Variants in NCAM1 observed in about 807,000 individuals in gnomAD.
NCAM1 encodes the protein neural cell adhesion molecule 1.
A neutral mutation model predicts 109.8 loss-of-function variants in NCAM1; 14 were observed. That is an observed-to-expected ratio of 0.13 (90% CI 0.08 to 0.20). NCAM1 has a LOEUF of 0.20. Among genes scored for constraint, NCAM1 ranks in the 10% least tolerant of loss-of-function variants. NCAM1 has a pLI of 1.00. For missense variants in NCAM1, 774 were observed against 1,109.9 expected (o/e 0.70, Z 4.30); for synonymous variants, 418 against 442.9 (o/e 0.94, Z 0.70).
intron 1 of NCAM1, among the ~76,000 whole-genome samples, chr11:113,081,550 C>CT (rs5794840): frequency 0.25 from 37,628 of 150,970 alleles, 5,520 homozygotes; most frequent in East Asian, 0.62. Context: ...TTCTTTTTTT[C>CT]TTTTTTTTTG....
intron 9 of NCAM1, among the ~76,000 whole-genome samples, chr11:113,226,956 TA>T (rs1471597933): frequency 5.9e-5 from 9 of 152,172 alleles, no homozygotes; most frequent in African/African-American, 2.2e-4. Context: ...TTTATAGCAC[TA>T]AATGCCCACA....
At chr11:113,137,040 C>T (rs1196409472) in intron 1 of NCAM1, among the ~76,000 whole-genome samples, 2 of 152,054 alleles carry the variant, frequency 1.3e-5, no homozygotes, top group African/African-American at 4.8e-5. Context: ...TCAATTAAAT[C>T]CAAGAAGGGA....
intron 1 of NCAM1, among the ~76,000 whole-genome samples, chr11:113,065,438 C>A (rs186324153): frequency 1.0e-3 from 152 of 152,260 alleles, no homozygotes; most frequent in Admixed American, 2.3e-3. Context: ...AAAAGAGTAA[C>A]TTCACAGGGG....
intron 1 of NCAM1, among the ~76,000 whole-genome samples, chr11:113,045,800 A>G (rs1388376736): frequency 1.3e-5 from 2 of 151,798 alleles, no homozygotes; most frequent in African/African-American, 4.9e-5. Flanking sequence ...CTTTGAGGTG[A>G]GTGAAGTGGC....
intron 1 of NCAM1, among the ~76,000 whole-genome samples, chr11:113,153,549 A>G (rs1555102924): frequency 6.6e-6 from 1 of 152,092 alleles, no homozygotes; most frequent in African/African-American, 2.4e-5. Context: ...CTGTGTGGAT[A>G]GATGGTGACA....
chr11:113,097,424 T>C (rs1591321883), intron 1 of NCAM1, among the ~76,000 whole-genome samples: 1 of 152,282 alleles, frequency 6.6e-6, no homozygotes, highest in East Asian at 1.9e-4. Flanking sequence ...TGAGTAAGTT[T>C]GTTGAGTTCA....
intron 1 of NCAM1, among the ~76,000 whole-genome samples, chr11:113,075,816 C>T (rs891994304): frequency 6.6e-6 from 1 of 152,190 alleles, no homozygotes; most frequent in African/African-American, 2.4e-5. Flanking sequence ...GTTCTGCCTA[C>T]GTGTGTGGTT....
chr11:113,178,307 A>G (rs1232537875), intron 1 of NCAM1, among the ~76,000 whole-genome samples: 1 of 152,090 alleles, frequency 6.6e-6, no homozygotes, highest in African/African-American at 2.4e-5. Context: ...GGATGGGGAC[A>G]CTCTCACGTT....
chr11:113,033,852 T>A (rs1555078694), intron 1 of NCAM1, among the ~76,000 whole-genome samples: 1 of 152,256 alleles, frequency 6.6e-6, no homozygotes, highest in African/African-American at 2.4e-5. Context: ...TAGGGATTTA[T>A]AAAGTTGGTT....
chr11:112,978,247 G>A (rs61905366), intron 1 of NCAM1, among the ~76,000 whole-genome samples: 46,172 of 151,702 alleles, frequency 0.3, 8,051 homozygotes, highest in East Asian at 0.67. Context: ...AATCTAAATT[G>A]GTGTTTAGGT....
At chr11:113,002,084 T>C (rs1951768518) in intron 1 of NCAM1, among the ~76,000 whole-genome samples, 2 of 152,224 alleles carry the variant, frequency 1.3e-5, no homozygotes, top group Non-Finnish European at 1.5e-5. Flanking sequence ...TTCCCATTTC[T>C]GAAACAATTA....
chr11:113,208,112 C>G, intron 7 of NCAM1, 110 bp downstream of exon 7: 2 of 1,273,850 alleles, frequency 1.6e-6, no homozygotes, highest in South Asian at 2.9e-5. Context: ...TAACCCAATG[C>G]AACCATTTCT....
intron 1 of NCAM1, among the ~76,000 whole-genome samples, chr11:113,126,584 T>G (rs1281626557): frequency 1.1e-4 from 17 of 152,358 alleles, no homozygotes; most frequent in African/African-American, 4.1e-4. Context: ...ATCATTACAG[T>G]TCATTTTTCT....
At chr11:113,234,118 G>C (rs1406583597) in intron 13 of NCAM1, among the ~76,000 whole-genome samples, 1 of 150,562 alleles carries the variant, frequency 6.6e-6, no homozygotes, top group African/African-American at 2.4e-5. Flanking sequence ...TCTCGGGGGA[G>C]CCAGGGGGCC....
In NCAM1 at chr11:113,231,822, G is replaced by A; in HGVS notation, c.1240+27G>A. 3 of 1,613,450 alleles carry A rather than the reference G, an allele frequency of 1.9e-6. No individual in the cohort carries two copies. In the East Asian group the frequency reaches 6.7e-5, roughly 36 times the overall value. On this transcript the variant is annotated intron_variant, in intron 10 of 19. Coordinates refer to ENST00000316851, the MANE Select transcript of NCAM1 (RefSeq NM_181351.5). ...TAAGGAATAAATGGGGAAGGACCTG[G>A]GGGAGGGAGGGGCAAGGCAGGGTCA... is the stretch of plus-strand genomic sequence containing the variant.
At chr11:113,085,366 A>G (rs1209184872) in intron 1 of NCAM1, among the ~76,000 whole-genome samples, 1 of 152,208 alleles carries the variant, frequency 6.6e-6, no homozygotes, top group East Asian at 1.9e-4. Context: ...ATGGTTGGCC[A>G]CTGTGCCTTC....
chr11:113,165,266 C>G (rs1565473803), intron 1 of NCAM1, among the ~76,000 whole-genome samples: 3 of 152,182 alleles, frequency 2.0e-5, no homozygotes, highest in Non-Finnish European at 4.4e-5. Context: ...AGTAAAACCA[C>G]CCCATCCACT....
At chr11:113,050,727 C>T (rs1953455118) in intron 1 of NCAM1, among the ~76,000 whole-genome samples, 1 of 152,110 alleles carries the variant, frequency 6.6e-6, no homozygotes, top group Non-Finnish European at 1.5e-5. Context: ...CCTCCTAGTG[C>T]AGGATTTTTT....
intron 1 of NCAM1, among the ~76,000 whole-genome samples, chr11:113,039,450 T>A (rs1328473770): frequency 1.3e-5 from 2 of 152,230 alleles, no homozygotes; most frequent in Non-Finnish European, 2.9e-5. Flanking sequence ...ATGTTGCCAA[T>A]AATTCAACAT....
Sources: gnomAD v4.1 joint callset for allele counts (sites outside exome capture counted in the v4.1 genomes callset) on GRCh38, gnomAD v4.1.1 for gene constraint, MANE v1.5 for transcripts, NCBI Gene and HGNC (gene_info 2026-07-23, HGNC 2026-07-21) for gene names.